Variants in RANBP2 observed in about 807,000 individuals in gnomAD.
RANBP2 encodes E3 SUMO-protein ligase RanBP2.
In RANBP2, 57 loss-of-function variants were observed where a neutral mutation model predicts 303.6. That is an observed-to-expected ratio of 0.19 (90% confidence interval 0.15 to 0.23). RANBP2 has a LOEUF of 0.23. Ranked by LOEUF, RANBP2 falls within the 10% of genes least tolerant of loss-of-function variation. RANBP2 has a pLI of 1.00. For missense variants in RANBP2, 3,138 were observed against 3,780.8 expected, an observed-to-expected ratio of 0.83 and a Z score of 4.46; for synonymous variants, 1,167 against 1,301.5, an observed-to-expected ratio of 0.90 and a Z score of 2.23.
the RANBP2 span, among the ~76,000 whole-genome samples, chr2:109,308,027 T>G: frequency 4.8e-5 from 7 of 146,318 alleles, no homozygotes; most frequent in Non-Finnish European, 7.4e-5. Context: ...TGAACTAGTT[T>G]ACAGTCCCAC....
chr2:109,417,647 C>A, the RANBP2 span, among the ~76,000 whole-genome samples: 1 of 152,140 alleles, frequency 6.6e-6, no homozygotes, highest in East Asian at 1.9e-4. Context: ...CAATGGAAGT[C>A]ATTTGAGACT....
At chr2:109,052,865 G>T in the RANBP2 span, among the ~76,000 whole-genome samples, 1 of 152,132 alleles carries the variant, frequency 6.6e-6, no homozygotes, top group Non-Finnish European at 1.5e-5. Flanking sequence ...GGGGTGTATT[G>T]GTCAAAGCTA....
At chr2:109,120,000 T>C in the RANBP2 span, among the ~76,000 whole-genome samples, 1 of 152,258 alleles carries the variant, frequency 6.6e-6, no homozygotes, top group African/African-American at 2.4e-5. Context: ...CAAGTAATCA[T>C]TCAGGCCTTC....
chr2:109,490,807 G>A, the RANBP2 span: 24 of 1,536,886 alleles, frequency 1.6e-5, no homozygotes, highest in Admixed American at 3.1e-4. Flanking sequence ...GAGATGCAGG[G>A]TGCCATGGGG....
chr2:108,996,754 C>T, the RANBP2 span, among the ~76,000 whole-genome samples: 5 of 150,726 alleles, frequency 3.3e-5, no homozygotes, highest in African/African-American at 9.8e-5. Flanking sequence ...TGGCATAATA[C>T]AATCATAGCT....
the RANBP2 span, among the ~76,000 whole-genome samples, chr2:108,891,803 T>G: frequency 1.3e-5 from 2 of 152,018 alleles, no homozygotes; most frequent in Non-Finnish European, 2.9e-5. Context: ...ATGTTGGTGG[T>G]TGCTGTGATG....
chr2:108,852,545 T>G, the RANBP2 span, among the ~76,000 whole-genome samples: 1 of 152,180 alleles, frequency 6.6e-6, no homozygotes. Context: ...ATGTGGTACA[T>G]ATACACTATG....
chr2:108,873,457 T>TG, the RANBP2 span: 1 of 1,596,394 alleles, frequency 6.3e-7, no homozygotes, highest in African/African-American at 1.3e-5. Flanking sequence ...GCAGAATCCT[T>TG]GCAGCCTTTC....
chr2:109,044,731 G>A, the RANBP2 span, among the ~76,000 whole-genome samples: 2 of 151,950 alleles, frequency 1.3e-5, no homozygotes, highest in South Asian at 4.1e-4. Flanking sequence ...TGGAGCTAGG[G>A]GAGAGAGACT....
chr2:109,459,645 G>C, the RANBP2 span, among the ~76,000 whole-genome samples: 2 of 152,180 alleles, frequency 1.3e-5, no homozygotes, highest in Non-Finnish European at 2.9e-5. Flanking sequence ...AGCCAGCACA[G>C]TAGTTCCCGT....
At chr2:108,776,877 C>T (rs1202252839) in intron 24 of RANBP2, among the ~76,000 whole-genome samples, 1 of 152,080 alleles carries the variant, frequency 6.6e-6, no homozygotes, top group Non-Finnish European at 1.5e-5. Context: ...AGATAGCTCT[C>T]CTTCTCATTT....
At chr2:109,599,639 C>T in the RANBP2 span, among the ~76,000 whole-genome samples, 1 of 152,006 alleles carries the variant, frequency 6.6e-6, no homozygotes, top group Admixed American at 6.6e-5. Flanking sequence ...CATCAAACTC[C>T]AACAAATACA....
chr2:109,018,802 G>A, the RANBP2 span, among the ~76,000 whole-genome samples: 6 of 152,218 alleles, frequency 3.9e-5, no homozygotes, highest in African/African-American at 1.4e-4. Context: ...CTGAGAGCAC[G>A]TACAGCAACA....
chr2:108,831,475 T>C, the RANBP2 span, among the ~76,000 whole-genome samples: 1 of 152,140 alleles, frequency 6.6e-6, no homozygotes, highest in Non-Finnish European at 1.5e-5. Flanking sequence ...AGGCTTGGTA[T>C]TTAGAGGGGA....
At chr2:109,335,159 G>T in the RANBP2 span, among the ~76,000 whole-genome samples, 1 of 152,230 alleles carries the variant, frequency 6.6e-6, no homozygotes, top group African/African-American at 2.4e-5. Context: ...GCAGCATCCT[G>T]GGGTGTTACC....
the RANBP2 span, among the ~76,000 whole-genome samples, chr2:109,716,694 G>C: frequency 1.3e-5 from 2 of 152,124 alleles, no homozygotes; most frequent in African/African-American, 2.4e-5. Context: ...CTACAGGCAC[G>C]CACCACCATG....
At chr2:109,120,827 C>T in the RANBP2 span, among the ~76,000 whole-genome samples, 1 of 152,114 alleles carries the variant, frequency 6.6e-6, no homozygotes, top group African/African-American at 2.4e-5. Flanking sequence ...CTCACATGTC[C>T]AAAGCCAAGG....
chr2:108,901,830 G>A, the RANBP2 span, among the ~76,000 whole-genome samples: 4,364 of 152,290 alleles, frequency 0.029, 196 homozygotes, highest in African/African-American at 0.1. Context: ...CTAGCCAAAC[G>A]CGGTGGCTCA....
the RANBP2 span, chr2:109,565,893 C>T: frequency 6.6e-7 from 1 of 1,520,184 alleles, no homozygotes; most frequent in Non-Finnish European, 9.1e-7. Flanking sequence ...CTTCTCATAC[C>T]ACTGTGATAA....
Sources: gnomAD v4.1 joint callset for allele counts (sites outside exome capture counted in the v4.1 genomes callset) on GRCh38, gnomAD v4.1.1 for gene constraint, MANE v1.5 for transcripts, NCBI Gene and HGNC (gene_info 2026-07-23, HGNC 2026-07-21) for gene names.